Variants in PRR16 observed in about 807,000 individuals in gnomAD.
PRR16 encodes the protein protein Largen.
PRR16 carries 6 observed loss-of-function variants against 18.2 expected under a neutral mutation model. The ratio of observed to expected loss-of-function variants is 0.33; its 90% CI spans 0.18 to 0.65. PRR16 has a LOEUF of 0.65. Ranked by LOEUF, PRR16 falls within the 30% of genes least tolerant of loss-of-function variation. The pLI is 0.74. For synonymous variants in PRR16, 151 were observed against 147.8 expected (o/e 1.02, Z -0.16); for missense variants, 412 against 376.6 (o/e 1.09, Z -0.78).
At chr5:120,597,881 T>C (rs74517040) in intron 1 of PRR16, among the ~76,000 whole-genome samples, 3,967 of 151,960 alleles carry the variant, frequency 0.026, 51 homozygotes, top group South Asian at 0.035. Context: ...TGTAAAATAT[T>C]CCTTTAGAAT....
chr5:120,769,520 C>CTGTT, the PRR16 span, among the ~76,000 whole-genome samples: 1 of 151,842 alleles, frequency 6.6e-6, no homozygotes, highest in African/African-American at 2.4e-5. Flanking sequence ...TTTCCATTCC[C>CTGTT]TGTTGTTTCT....
intron 1 of PRR16, among the ~76,000 whole-genome samples, chr5:120,563,813 C>T (rs763484667): frequency 2.0e-5 from 3 of 152,046 alleles, no homozygotes; most frequent in Admixed American, 6.5e-5. Context: ...TCTGCTTTCT[C>T]AAACAGAGGA....
chr5:120,561,628 T>C (rs1490161412), intron 1 of PRR16, among the ~76,000 whole-genome samples: 1 of 152,176 alleles, frequency 6.6e-6, no homozygotes, highest in Non-Finnish European at 1.5e-5. Flanking sequence ...GTCTATGATA[T>C]GGTTTGGCTC....
intron 1 of PRR16, among the ~76,000 whole-genome samples, chr5:120,664,462 T>G (rs1163734981): frequency 6.6e-6 from 1 of 151,252 alleles, no homozygotes; most frequent in African/African-American, 2.4e-5. Context: ...TTTTGTTTTT[T>G]TTTTATTATT....
chr5:120,500,814 T>C (rs1487188649), intron 1 of PRR16, among the ~76,000 whole-genome samples: 1 of 152,170 alleles, frequency 6.6e-6, no homozygotes, highest in Non-Finnish European at 1.5e-5. Flanking sequence ...TTGTTAAGCA[T>C]GACAAAGTAA....
rs150857171 is a variant in PRR16, at chr5:120,674,133, A to C, written c.160-11821A>C. Among the ~76,000 whole-genome samples, 31 of 152,180 alleles carry C rather than the reference A, an allele frequency of 2.0e-4. 1 individual carries two copies. The East Asian group carries it at 5.4e-3, about 27-fold the overall frequency. ...CTACAGGGCCTCCTGAAACCTCTTA[A>C]CTGCTTTTTCTGCCATGTGTGGTAC... On this transcript the variant is annotated intron_variant, in intron 1 of 1. Coordinates refer to ENST00000407149, the MANE Select transcript of PRR16 (RefSeq NM_001300783.2).
In PRR16 at chr5:120,513,833, A is replaced by G. The variant is rs574807855; in HGVS notation, c.159+49188A>G. 3.3e-5 allele frequency among the ~76,000 whole-genome samples: 5 copies of G among 149,782 alleles called. No homozygotes were observed. In the South Asian group the frequency reaches 8.4e-4, roughly 25 times the overall value. Reference sequence around the variant, plus strand: ...GAGTGCAATAGCATGATCTCTGCTCATTGCAACCTCCGCCTCCTGGGTTCA... The same window carrying G: ...GAGTGCAATAGCATGATCTCTGCTCGTTGCAACCTCCGCCTCCTGGGTTCA... On this transcript the variant is annotated intron_variant, in intron 1 of 1. Transcript: ENST00000407149.
intron 1 of PRR16, among the ~76,000 whole-genome samples, chr5:120,585,561 G>A (rs1302288881): frequency 6.6e-6 from 1 of 151,666 alleles, no homozygotes; most frequent in Non-Finnish European, 1.5e-5. Flanking sequence ...GGAGGATGCA[G>A]TGAGCTGAGA....
chr5:120,584,231 T>C (rs1169348380), intron 1 of PRR16, among the ~76,000 whole-genome samples: 1 of 152,230 alleles, frequency 6.6e-6, no homozygotes, highest in African/African-American at 2.4e-5. Flanking sequence ...GAGAAGTTTA[T>C]TATTGAAAAG....
chr5:120,615,050 C>T (rs954666157), intron 1 of PRR16, among the ~76,000 whole-genome samples: 8 of 26,550 alleles, frequency 3.0e-4, no homozygotes, highest in Admixed American at 7.1e-4. Context: ...GACTGTATAA[C>T]GGAAAAAAAA....
At chr5:120,654,810 C>G (rs1755910524) in intron 1 of PRR16, among the ~76,000 whole-genome samples, 1 of 151,348 alleles carries the variant, frequency 6.6e-6, no homozygotes, top group Non-Finnish European at 1.5e-5. Flanking sequence ...GGTAAAAGCC[C>G]TAAACAGTAC....
intron 1 of PRR16, among the ~76,000 whole-genome samples, chr5:120,513,886 G>A (rs1334788126): frequency 6.6e-6 from 1 of 151,740 alleles, no homozygotes; most frequent in African/African-American, 2.4e-5. Flanking sequence ...AGCCTCCCGA[G>A]TAGCTGGGAT....
the PRR16 span, among the ~76,000 whole-genome samples, chr5:120,780,855 T>C: frequency 6.6e-6 from 1 of 152,058 alleles, no homozygotes; most frequent in Admixed American, 6.5e-5. Context: ...ATCGAGAGCA[T>C]CCTGGCCAAC....
rs1432416760 is a variant in PRR16 at position 120,515,273 on chromosome 5, G to C, written c.159+50628G>C. Reference sequence around the variant, plus strand: ...GATAATCACATTAATCTATTTATGAGGGCAGAAGCCTCATAACCCAATCAC... The same window carrying C: ...GATAATCACATTAATCTATTTATGACGGCAGAAGCCTCATAACCCAATCAC... On this transcript the variant is annotated intron_variant, in intron 1 of 1. Coordinates refer to ENST00000407149, the MANE Select transcript of PRR16 (RefSeq NM_001300783.2). Among the ~76,000 whole-genome samples the C allele has an allele frequency of 2.6e-5, 4 of 152,184 alleles. No individual in the cohort carries two copies. In the South Asian group the frequency reaches 8.3e-4, roughly 32 times the overall value.
At chr5:120,778,187 A>G in the PRR16 span, among the ~76,000 whole-genome samples, 1 of 152,182 alleles carries the variant, frequency 6.6e-6, no homozygotes, top group Non-Finnish European at 1.5e-5. Flanking sequence ...TAGGTGTTAA[A>G]AAAAGACAGG....
the PRR16 span, among the ~76,000 whole-genome samples, chr5:120,789,510 GTA>G: frequency 6.6e-6 from 1 of 152,064 alleles, no homozygotes; most frequent in Non-Finnish European, 1.5e-5. Context: ...AGTTTAAACT[GTA>G]TAGACTGCAA....
At chr5:120,563,509 G>A (rs1339173762) in intron 1 of PRR16, among the ~76,000 whole-genome samples, 2 of 152,160 alleles carry the variant, frequency 1.3e-5, no homozygotes, top group Non-Finnish European at 2.9e-5. Context: ...GCTTCTCCCT[G>A]TGGCCACCAC....
chr5:120,637,639 A>AT (rs996777786), intron 1 of PRR16, among the ~76,000 whole-genome samples: 3 of 75,424 alleles, frequency 4.0e-5, no homozygotes, highest in East Asian at 9.0e-4. Context: ...GACTTTGGGG[A>AT]TTTGGGGGGA....
intron 1 of PRR16, among the ~76,000 whole-genome samples, chr5:120,555,634 C>T (rs1369421482): frequency 1.3e-5 from 2 of 151,812 alleles, no homozygotes; most frequent in African/African-American, 4.8e-5. Flanking sequence ...AACCTAATTA[C>T]TTCCCAAAGA....
Sources: gnomAD v4.1 joint callset for allele counts (sites outside exome capture counted in the v4.1 genomes callset) on GRCh38, gnomAD v4.1.1 for gene constraint, MANE v1.5 for transcripts, NCBI Gene and HGNC (gene_info 2026-07-23, HGNC 2026-07-21) for gene names.